Variants in CENPW observed in about 807,000 individuals in gnomAD.
The protein encoded by CENPW is centromere protein W.
In CENPW, 3 loss-of-function variants were observed where a neutral mutation model predicts 11.1. The observed-to-expected ratio is 0.27, with a 90% confidence interval of 0.12 to 0.70. The LOEUF is 0.70. Among genes scored for constraint, CENPW ranks in the 30% least tolerant of loss-of-function variants. The pLI is 0.77. For synonymous variants in CENPW, 38 were observed against 42.0 expected (o/e 0.91, Z 0.37); for missense variants, 100 against 105.6 (o/e 0.95, Z 0.23).
chr6:126,481,597 G>A, the CENPW span, among the ~76,000 whole-genome samples: 1 of 151,954 alleles, frequency 6.6e-6, no homozygotes, highest in Non-Finnish European at 1.5e-5. Context: ...CACAATAATG[G>A]CCTTAATGTA....
chr6:126,482,424 A>G, the CENPW span, among the ~76,000 whole-genome samples: 1 of 151,962 alleles, frequency 6.6e-6, no homozygotes, highest in Non-Finnish European at 1.5e-5. Context: ...TATACTGTTT[A>G]AGAAAGAGGC....
chr6:126,384,934 A>T, the CENPW span, among the ~76,000 whole-genome samples: 12 of 152,212 alleles, frequency 7.9e-5, no homozygotes, highest in Admixed American at 7.9e-4. Context: ...AACCCCATTA[A>T]AAAAGTGGAG....
chr6:126,399,423 CAG>C, the CENPW span, among the ~76,000 whole-genome samples: 2 of 152,048 alleles, frequency 1.3e-5, no homozygotes, highest in Non-Finnish European at 2.9e-5. Context: ...CAGGTATTGA[CAG>C]AATAATTACA....
At chr6:126,367,192 T>A in the CENPW span, among the ~76,000 whole-genome samples, 1 of 152,070 alleles carries the variant, frequency 6.6e-6, no homozygotes, top group Admixed American at 6.6e-5. Flanking sequence ...TAATTATTTT[T>A]AAATTTCAAT....
the CENPW span, among the ~76,000 whole-genome samples, chr6:126,464,312 T>A: frequency 6.6e-6 from 1 of 152,108 alleles, no homozygotes; most frequent in African/African-American, 2.4e-5. Flanking sequence ...AGAATAGAGA[T>A]GAATTTTATC....
the CENPW span, among the ~76,000 whole-genome samples, chr6:126,430,371 C>T: frequency 6.6e-6 from 1 of 152,158 alleles, no homozygotes. Context: ...TAGATTTAAA[C>T]TTTAATTTAG....
chr6:126,479,804 C>A, the CENPW span, among the ~76,000 whole-genome samples: 11 of 151,736 alleles, frequency 7.2e-5, no homozygotes, highest in East Asian at 5.8e-4. Context: ...TTATTTATAA[C>A]CTTCCACTTG....
the CENPW span, among the ~76,000 whole-genome samples, chr6:126,393,154 CT>C: frequency 6.6e-6 from 1 of 151,700 alleles, no homozygotes; most frequent in Non-Finnish European, 1.5e-5. Flanking sequence ...TTTTTCAACT[CT>C]GGTTTTATTT....
the CENPW span, among the ~76,000 whole-genome samples, chr6:126,427,737 G>A: frequency 0.023 from 3,531 of 152,272 alleles, 121 homozygotes; most frequent in African/African-American, 0.08. Flanking sequence ...CAACTGTTGT[G>A]TGACAAACCC....
At chr6:126,458,122 T>C in the CENPW span, among the ~76,000 whole-genome samples, 7 of 151,472 alleles carry the variant, frequency 4.6e-5, no homozygotes, top group Non-Finnish European at 1.0e-4. Context: ...GGTATACTTT[T>C]GGCTTTCTTT....
At chr6:126,481,570 A>C in the CENPW span, among the ~76,000 whole-genome samples, 1 of 152,074 alleles carries the variant, frequency 6.6e-6, no homozygotes, top group Admixed American at 6.6e-5. Context: ...CCCCTCCAGC[A>C]ATAATTAACC....
chr6:126,411,555 A>G, the CENPW span, among the ~76,000 whole-genome samples: 1 of 152,062 alleles, frequency 6.6e-6, no homozygotes, highest in Non-Finnish European at 1.5e-5. Context: ...CACTCTCTGT[A>G]TCAGGGTCAG....
At chr6:126,381,026 A>G in the CENPW span, among the ~76,000 whole-genome samples, 1 of 152,088 alleles carries the variant, frequency 6.6e-6, no homozygotes, top group Non-Finnish European at 1.5e-5. Context: ...ATCACTCTCA[A>G]CGTTTGATCA....
At chr6:126,425,406 T>C in the CENPW span, among the ~76,000 whole-genome samples, 916 of 152,236 alleles carry the variant, frequency 6.0e-3, 2 homozygotes, top group Middle Eastern at 0.024. Context: ...AATAGCCAAA[T>C]TGACCTTTAT....
chr6:126,346,182 C>A, intron 1 of CENPW, 23 bp from the exon 2 acceptor site: 1 of 1,420,244 alleles, frequency 7.0e-7, no homozygotes, highest in Non-Finnish European at 9.7e-7. Flanking sequence ...CTTAAAAATC[C>A]ACTTGGATTT....
At chr6:126,381,635 G>A in the CENPW span, among the ~76,000 whole-genome samples, 7 of 152,182 alleles carry the variant, frequency 4.6e-5, no homozygotes, top group African/African-American at 1.4e-4. Flanking sequence ...GCACCCTGCC[G>A]CCAGCCAACC....
At chr6:126,391,713 C>T in the CENPW span, among the ~76,000 whole-genome samples, 72 of 151,860 alleles carry the variant, frequency 4.7e-4, no homozygotes, top group Non-Finnish European at 9.1e-4. Context: ...CCCACCACCA[C>T]TTATTGAAGA....
At chr6:126,481,436 T>A in the CENPW span, among the ~76,000 whole-genome samples, 1 of 152,084 alleles carries the variant, frequency 6.6e-6, no homozygotes, top group Non-Finnish European at 1.5e-5. Flanking sequence ...TTGTCCAAGA[T>A]CAAGGGGCTG....
chr6:126,355,239 A>T, the CENPW span, among the ~76,000 whole-genome samples: 127 of 152,240 alleles, frequency 8.3e-4, no homozygotes, highest in Admixed American at 3.0e-3. Context: ...TAGCAAACTC[A>T]TTAGTTTTGT....
Sources: gnomAD v4.1 joint callset for allele counts (sites outside exome capture counted in the v4.1 genomes callset) on GRCh38, gnomAD v4.1.1 for gene constraint, MANE v1.5 for transcripts, NCBI Gene and HGNC (gene_info 2026-07-23, HGNC 2026-07-21) for gene names.